Variants in NOL4L observed in about 807,000 individuals in gnomAD.
NOL4L encodes the protein nucleolar protein 4 like, also known as nucleolar protein 4-like.
A neutral mutation model predicts 64.5 loss-of-function variants in NOL4L; 7 were observed. The observed-to-expected ratio is 0.11, with a 90% CI of 0.06 to 0.20. NOL4L has a LOEUF of 0.20. NOL4L is among the 10% of genes least tolerant of loss of function. NOL4L has a pLI of 1.00. For missense variants in NOL4L, 680 were observed against 967.1 expected, an observed-to-expected ratio of 0.70 and a Z score of 3.94; for synonymous variants, 413 against 401.0, an observed-to-expected ratio of 1.03 and a Z score of -0.36.
chr20:32,471,582 C>A (rs999892951), intron 5 of NOL4L, among the ~76,000 whole-genome samples: 1 of 152,236 alleles, frequency 6.6e-6, no homozygotes, highest in African/African-American at 2.4e-5. Flanking sequence ...TCCCTGAAAT[C>A]ACTCCTGGCT....
At chr20:32,518,540 T>A (rs886445395) in intron 3 of NOL4L, among the ~76,000 whole-genome samples, 1 of 152,134 alleles carries the variant, frequency 6.6e-6, no homozygotes, top group Non-Finnish European at 1.5e-5. Flanking sequence ...CATACTGCCG[T>A]GGGATGTGTG....
In NOL4L at chr20:32,509,531, A is replaced by AG. The variant is rs1485299857; in HGVS notation, c.699+1815_699+1816insC. On this transcript the variant is annotated intron_variant, in intron 4 of 10. Coordinates refer to ENST00000621426, the MANE Select transcript of NOL4L (RefSeq NM_001256798.2). ...AGACTCTGCCTCAAAAAAAAAAAAA[A>AG]AAAAAAAAAGAAAAGAAAGAAAATC... Among the ~76,000 whole-genome samples the AG allele has an allele frequency of 1.6e-4, 24 of 150,298 alleles. 1 individual carries two copies. The highest frequency in any genetic ancestry group is 5.2e-4 in the African/African-American group (21 of 40,474).
At chr20:32,581,945 C>G (rs945518393) in intron 1 of NOL4L, 7 of 152,124 alleles carry the variant, frequency 4.6e-5, no homozygotes, top group Non-Finnish European at 1.0e-4. Context: ...AAAGGAGGTC[C>G]CATTCAGCCC....
At chr20:32,501,265 A>G (rs903791513) in intron 4 of NOL4L, among the ~76,000 whole-genome samples, 2 of 152,252 alleles carry the variant, frequency 1.3e-5, no homozygotes, top group Non-Finnish European at 2.9e-5. Context: ...CCGGTTTTAT[A>G]TAGAGAAAAA....
At chr20:32,488,805 T>TCCTTCCTTCCTTCCTTCCTTCC (rs377521629) in intron 4 of NOL4L, among the ~76,000 whole-genome samples, 2 of 30,186 alleles carry the variant, frequency 6.6e-5, no homozygotes, top group Admixed American at 3.1e-4. Flanking sequence ...CTTTCTTTCT[T>TCCTTCCTTCCTTCCTTCCTTCC]TTTCTTTCTT....
intron 1 of NOL4L, among the ~76,000 whole-genome samples, chr20:32,583,161 G>T (rs1044549693): frequency 6.6e-6 from 1 of 151,714 alleles, no homozygotes; most frequent in Admixed American, 6.6e-5. Context: ...GGTTATCAGC[G>T]CTCCTCGCAG....
chr20:32,549,813 A>C lies in NOL4L; in HGVS notation c.322-21900T>G, dbSNP rs1169515677. Among the ~76,000 whole-genome samples the C allele has an allele frequency of 2.6e-5, 4 of 152,330 alleles. No individual in the cohort carries two copies. The East Asian group carries it at 7.7e-4, about 29-fold the overall frequency. On this transcript the variant is annotated intron_variant, in intron 1 of 10. Coordinates refer to ENST00000621426, the MANE Select transcript of NOL4L (RefSeq NM_001256798.2). ...AAAATGTAGAGAAATTGCAACCCTC[A>C]TGCACTGCTGGTGGGAATGTAAAAT... is the stretch of plus-strand genomic sequence containing the variant.
chr20:32,479,207 G>A (rs767504967), intron 4 of NOL4L, among the ~76,000 whole-genome samples: 93 of 152,198 alleles, frequency 6.1e-4, no homozygotes, highest in Non-Finnish European at 8.7e-4. Context: ...ACCCGTCAAC[G>A]ACAACTGTGC....
intron 1 of NOL4L, among the ~76,000 whole-genome samples, chr20:32,577,370 T>C (rs1307270370): frequency 6.6e-6 from 1 of 152,218 alleles, no homozygotes; most frequent in African/African-American, 2.4e-5. Flanking sequence ...GCGCCCTTCC[T>C]TGACCTCTGG....
chr20:32,463,792 G>A lies in NOL4L; in HGVS notation c.842-7397C>T, dbSNP rs552526909. Among the ~76,000 whole-genome samples, 11 of 152,114 alleles carry A rather than the reference G, an allele frequency of 7.2e-5. No individual in the cohort carries two copies. In the East Asian group the frequency reaches 7.8e-4, roughly 11 times the overall value. On this transcript the variant is annotated intron_variant, in intron 5 of 10. Coordinates refer to ENST00000621426, the MANE Select transcript of NOL4L (RefSeq NM_001256798.2). This position sits in a 1 kb window ranked among gnomAD's most constrained non-coding sequence, Gnocchi z 5.8. ...TGTGCGAACCACCAATCGCCACACC[G>A]CGCTCTGGGGCCCACAGCCAGTGGC...
At chr20:32,491,988 G>A (rs926603158) in intron 4 of NOL4L, among the ~76,000 whole-genome samples, 3 of 152,072 alleles carry the variant, frequency 2.0e-5, no homozygotes, top group Non-Finnish European at 2.9e-5. Flanking sequence ...GCATGCACCC[G>A]TAGTCCCAGC....
In NOL4L at chr20:32,460,800, C is replaced by T. The variant is rs920282390; in HGVS notation, c.842-4405G>A. Among the ~76,000 whole-genome samples, 59 of 152,164 alleles carry T rather than the reference C, an allele frequency of 3.9e-4. No homozygotes were observed. Among genetic ancestry groups the T allele is most frequent in the African/African-American group, 1.0e-3 (43 of 41,434 alleles). Reference sequence around the variant, plus strand: ...TGGGGATGGGGGCAACTGCCACCCTCGGAGCTCATGCTCCAGCAGCGACAA... The same window carrying T: ...TGGGGATGGGGGCAACTGCCACCCTTGGAGCTCATGCTCCAGCAGCGACAA... On this transcript the variant is annotated intron_variant, in intron 5 of 10. Coordinates refer to ENST00000621426, the MANE Select transcript of NOL4L (RefSeq NM_001256798.2). This position sits in a 1 kb window ranked among gnomAD's most constrained non-coding sequence, Gnocchi z 5.7.
intron 1 of NOL4L, among the ~76,000 whole-genome samples, chr20:32,559,855 C>T (rs901788996): frequency 3.3e-5 from 5 of 152,230 alleles, no homozygotes; most frequent in African/African-American, 1.2e-4. Context: ...CAAGGGACCA[C>T]GGCCAGCCCA....
At chr20:32,497,563 T>G (rs982298328) in intron 4 of NOL4L, among the ~76,000 whole-genome samples, 5 of 152,068 alleles carry the variant, frequency 3.3e-5, no homozygotes, top group African/African-American at 1.2e-4. Context: ...ACCCAAAAGC[T>G]GGAGTGAGGA....
chr20:32,488,769 TC>T, intron 4 of NOL4L, among the ~76,000 whole-genome samples: 1 of 54,852 alleles, frequency 1.8e-5, no homozygotes, highest in Non-Finnish European at 2.9e-5. Flanking sequence ...CTTCCTTCCT[TC>T]CTTCCTTCCT....
chr20:32,497,039 C>T (rs1422672321), intron 4 of NOL4L, among the ~76,000 whole-genome samples: 8 of 123,640 alleles, frequency 6.5e-5, no homozygotes, highest in Non-Finnish European at 1.3e-4. Flanking sequence ...CAAAGCAATA[C>T]TGTGCCCTCC....
At chr20:32,492,067 T>C (rs1718505069) in intron 4 of NOL4L, among the ~76,000 whole-genome samples, 1 of 152,198 alleles carries the variant, frequency 6.6e-6, no homozygotes, top group African/African-American at 2.4e-5. Context: ...GCTGTGATTG[T>C]GCCACTGCAT....
chr20:32,584,795 C>T lies in NOL4L; in HGVS notation c.96G>A (p.Leu32=). 3.3e-6 allele frequency: 5 copies of T among 1,536,950 alleles called. No individual in the cohort carries two copies. The highest frequency in any genetic ancestry group is 2.5e-5 in the East Asian group (1 of 40,546). Reference sequence around the variant, plus strand: ...TTTTGGCCGAGTCGCCGTAGGTGCGCAAGCACCAGTCCCGGAACTGGCGGC... The same window carrying T: ...TTTTGGCCGAGTCGCCGTAGGTGCGTAAGCACCAGTCCCGGAACTGGCGGC... ...ELGRQFRDWC[L]RTYGDSAKTK... is the part of the protein sequence containing the mutation. Residue 32 remains leucine, a synonymous_variant, in exon 1 of 11, where the codon TTG becomes TTA. Transcript: ENST00000621426.
chr20:32,481,519 GCGTCTTCTCAGCTGGGAGGAAGGC>G (rs578221700), intron 4 of NOL4L, among the ~76,000 whole-genome samples: 264 of 152,264 alleles, frequency 1.7e-3, no homozygotes, highest in South Asian at 2.7e-3. Flanking sequence ...TTCCCCAAAG[GCGTCTTCTCAGCTGGGAGGAAGGC>G]CGTCTTCTCA....
Sources: gnomAD v4.1 joint callset for allele counts (sites outside exome capture counted in the v4.1 genomes callset) on GRCh38, gnomAD v4.1.1 for gene constraint, Gnocchi (gnomAD v3.1) non-coding constraint, MANE v1.5 for transcripts, NCBI Gene and HGNC (gene_info 2026-07-23, HGNC 2026-07-21) for gene names.